Variants in MSH3 observed in about 807,000 individuals in gnomAD.
The protein encoded by MSH3 is DNA mismatch repair protein Msh3.
Under a neutral mutation model 123.3 loss-of-function variants are expected in MSH3, and 106 were observed. The observed-to-expected ratio is 0.86, with a 90% CI of 0.73 to 1.01. The LOEUF (loss-of-function observed/expected upper bound fraction) is 1.01. Ranked by LOEUF, MSH3 falls within the 50% of genes least tolerant of loss-of-function variation. The probability of loss-of-function intolerance (pLI) is 0.00; values close to 1 mark genes in which losing one functional copy is unlikely to be tolerated. For synonymous variants in MSH3, 515 were observed against 481.4 expected, an observed-to-expected ratio of 1.07 and a Z score of -0.91; for missense variants, 1,459 against 1,347.6, an observed-to-expected ratio of 1.08 and a Z score of -1.29.
intron 12 of MSH3, among the ~76,000 whole-genome samples, chr5:80,747,001 A>G (rs1049800952): frequency 6.6e-6 from 1 of 152,198 alleles, no homozygotes; most frequent in African/African-American, 2.4e-5. Flanking sequence ...ACCTTAAGAC[A>G]TGGGAAACTG....
chr5:80,750,559 T>G (rs1388681305), intron 12 of MSH3, among the ~76,000 whole-genome samples: 1 of 152,214 alleles, frequency 6.6e-6, no homozygotes, highest in Non-Finnish European at 1.5e-5. Flanking sequence ...TTTTGCCCAT[T>G]TTTAAATAGG....
chr5:80,762,477 T>A (rs972751866), intron 13 of MSH3, among the ~76,000 whole-genome samples: 1 of 151,662 alleles, frequency 6.6e-6, no homozygotes, highest in African/African-American at 2.4e-5. Context: ...CCACTTGAAT[T>A]ACCTTGGCTA....
At chr5:80,705,273 C>CCAG (rs1328700068) in intron 8 of MSH3, among the ~76,000 whole-genome samples, 3 of 152,138 alleles carry the variant, frequency 2.0e-5, no homozygotes, top group Non-Finnish European at 2.9e-5. Context: ...AGTTGAGGTT[C>CCAG]TAATCTTAGC....
chr5:80,860,017 C>T (rs1179921404), intron 21 of MSH3, among the ~76,000 whole-genome samples: 5 of 152,202 alleles, frequency 3.3e-5, no homozygotes, highest in African/African-American at 4.8e-5. Flanking sequence ...GAGTAATGCA[C>T]GTATTTTTTA....
chr5:80,716,074 A>G (rs930677218), intron 8 of MSH3, among the ~76,000 whole-genome samples: 18 of 152,326 alleles, frequency 1.2e-4, no homozygotes, highest in African/African-American at 4.1e-4. Flanking sequence ...GGCACTCCAT[A>G]AATGTCTGCT....
intron 20 of MSH3, among the ~76,000 whole-genome samples, chr5:80,835,026 C>T (rs949714564): frequency 3.9e-5 from 6 of 152,132 alleles, no homozygotes; most frequent in African/African-American, 1.4e-4. Context: ...AGAACTTGTC[C>T]AGCACCAAGA....
At position 80,712,822 on chromosome 5, in the gene MSH3, T is replaced by C. The variant is rs539700732; in HGVS notation, c.1341-12631T>C. On this transcript the variant is annotated intron_variant, in intron 8 of 23. Transcript: ENST00000265081. ...TTGGTTTTAGAATTATAATTTCAAA[T>C]AATGCCCTTAGTCTTCTAAGAAAGT... 9.9e-5 allele frequency among the ~76,000 whole-genome samples: 15 copies of C among 152,276 alleles called. No homozygotes were observed. The South Asian group carries it at 2.7e-3, about 27-fold the overall frequency.
chr5:80,735,722 C>T (rs936120362), intron 10 of MSH3, among the ~76,000 whole-genome samples: 3 of 151,784 alleles, frequency 2.0e-5, no homozygotes, highest in Admixed American at 6.6e-5. Context: ...AACAGAAGAG[C>T]GAGATGTATG....
rs1345470760 is a variant in MSH3 at position 80,812,034 on chromosome 5, C to G, written c.2656-1550C>G. Among the ~76,000 whole-genome samples, 8 of 152,048 alleles carry G rather than the reference C, an allele frequency of 5.3e-5. 1 individual carries two copies. In the South Asian group the frequency reaches 1.5e-3, roughly 28 times the overall value. On this transcript the variant is annotated intron_variant, in intron 19 of 23. Coordinates refer to ENST00000265081, the MANE Select transcript of MSH3 (RefSeq NM_002439.5). The stretch of plus-strand genomic sequence containing the variant: ...TTCCAGGTTCTTATTGTGTTAAGCT[C>G]TTTCTGTCACAAGAAACACAGGTAT...
At chr5:80,804,771 A>G (rs1744859091) in intron 19 of MSH3, among the ~76,000 whole-genome samples, 1 of 152,130 alleles carries the variant, frequency 6.6e-6, no homozygotes, top group Non-Finnish European at 1.5e-5. Flanking sequence ...CGTGGTAACC[A>G]CTGTCTGACT....
intron 19 of MSH3, among the ~76,000 whole-genome samples, chr5:80,794,668 T>G (rs140991463): frequency 6.6e-6 from 1 of 152,158 alleles, no homozygotes; most frequent in Admixed American, 6.6e-5. Context: ...GGAGAAGGTC[T>G]TTGGAGATGA....
At chr5:80,804,145 T>G (rs1744841471) in intron 19 of MSH3, among the ~76,000 whole-genome samples, 1 of 152,264 alleles carries the variant, frequency 6.6e-6, no homozygotes, top group Non-Finnish European at 1.5e-5. Context: ...TTGCTTTAGT[T>G]ACTATGGACA....
intron 20 of MSH3, among the ~76,000 whole-genome samples, chr5:80,831,818 AC>A (rs1360733857): frequency 1.3e-5 from 2 of 152,010 alleles, no homozygotes; most frequent in African/African-American, 2.4e-5. Context: ...AACTCTTAAA[AC>A]CTCTCCAGGT....
At chr5:80,842,812 G>A (rs1158121746) in intron 20 of MSH3, among the ~76,000 whole-genome samples, 1 of 152,046 alleles carries the variant, frequency 6.6e-6, no homozygotes. Context: ...GGGCTGAGAC[G>A]ATGGGGTTTT....
chr5:80,710,189 C>A (rs553871142), intron 8 of MSH3, among the ~76,000 whole-genome samples: 1 of 152,162 alleles, frequency 6.6e-6, no homozygotes, highest in Non-Finnish European at 1.5e-5. Flanking sequence ...TATTTTATTA[C>A]GGGTTTTATA....
chr5:80,705,037 A>G (rs1026323679), intron 8 of MSH3, among the ~76,000 whole-genome samples: 3 of 152,180 alleles, frequency 2.0e-5, no homozygotes, highest in South Asian at 2.1e-4. Flanking sequence ...AAACAAGTAT[A>G]TGTTGATAGA....
At chr5:80,813,062 C>T (rs1580066104) in intron 19 of MSH3, among the ~76,000 whole-genome samples, 2 of 152,178 alleles carry the variant, frequency 1.3e-5, no homozygotes, top group African/African-American at 2.4e-5. Flanking sequence ...ACAATTCTGC[C>T]TCGTTCACAT....
At chr5:80,813,802 A>G (rs1561486807) in intron 20 of MSH3, 61 bp downstream of exon 20, 5 of 1,570,326 alleles carry the variant, frequency 3.2e-6, no homozygotes, top group Non-Finnish European at 4.4e-6. Context: ...ACATTATCGC[A>G]TGAATTTTCC....
chr5:80,720,154 G>A (rs763617422), intron 8 of MSH3, among the ~76,000 whole-genome samples: 23 of 152,110 alleles, frequency 1.5e-4, no homozygotes, highest in East Asian at 7.7e-4. Flanking sequence ...AAAACATTGC[G>A]GTTAAAGTTT....
Sources: allele counts gnomAD v4.1 joint callset (sites outside exome capture counted in the v4.1 genomes callset), GRCh38; gene constraint gnomAD v4.1.1; transcripts MANE v1.5; gene names NCBI Gene and HGNC (gene_info 2026-07-23, HGNC 2026-07-21).